Variants in FSHR observed in about 807,000 individuals in gnomAD.
FSHR encodes follicle stimulating hormone receptor.
In FSHR, 46 loss-of-function variants were observed where a neutral mutation model predicts 52.1. The observed-to-expected ratio is 0.88, with a 90% CI of 0.70 to 1.13. The LOEUF is 1.13. FSHR is among the 50% of genes most tolerant of loss of function. The probability of loss-of-function intolerance (pLI) is 0.00; values close to 1 mark genes in which losing one functional copy is unlikely to be tolerated. For missense variants in FSHR, 964 were observed against 834.6 expected (o/e 1.16, Z -1.91); for synonymous variants, 399 against 309.6 (o/e 1.29, Z -3.03).
intron 6 of FSHR, among the ~76,000 whole-genome samples, chr2:48,987,870 A>ACACC (rs1491035556): frequency 1.1e-4 from 14 of 129,320 alleles, no homozygotes; most frequent in African/African-American, 2.7e-4. Flanking sequence ...ACACACACAC[A>ACACC]CCCCTTCACT....
In FSHR at chr2:48,982,986, C is replaced by A; in HGVS notation, c.594G>T (p.Leu198=). 2 of 1,613,770 alleles carry A rather than the reference C, an allele frequency of 1.2e-6. No individual in the cohort carries two copies. ...CAFNGTQLDE[L]NLSDNNNLEE... ...CTAAATTATTATTATCGCTTAGATT[C>A]CTGGGGATGGGGTTGAGGAAAGAAG... is the stretch of plus-strand genomic sequence containing the variant. The change falls in exon 8 of 10, where the codon CTG becomes CTT. Residue 198 remains leucine (L), a splice_region_variant and synonymous_variant. Transcript: ENST00000406846.
intron 1 of FSHR, among the ~76,000 whole-genome samples, chr2:49,130,054 G>A (rs1321818900): frequency 6.6e-6 from 1 of 152,106 alleles, no homozygotes; most frequent in Non-Finnish European, 1.5e-5. Context: ...TCTTTAAATG[G>A]ATATGATAAA....
chr2:49,129,823 T>G (rs1345753919), intron 1 of FSHR, among the ~76,000 whole-genome samples: 1 of 152,216 alleles, frequency 6.6e-6, no homozygotes, highest in Non-Finnish European at 1.5e-5. Context: ...CCATATGGTC[T>G]GGCAGACCCT....
chr2:49,031,445 T>C (rs1344859525), intron 2 of FSHR, among the ~76,000 whole-genome samples: 2 of 152,210 alleles, frequency 1.3e-5, no homozygotes, highest in East Asian at 3.8e-4. Context: ...ATCTCCTAGA[T>C]TTATTTTCCT....
chr2:48,977,064 C>T (rs917944063), intron 8 of FSHR, among the ~76,000 whole-genome samples: 9 of 152,042 alleles, frequency 5.9e-5, no homozygotes, highest in South Asian at 4.1e-4. Flanking sequence ...AACAAACCTG[C>T]ATGTTCTGCA....
In FSHR at chr2:48,975,402, T is replaced by C. The variant is rs372051560; in HGVS notation, c.669-6519A>G. On this transcript the variant is annotated intron_variant, in intron 8 of 9. Coordinates refer to ENST00000406846, the MANE Select transcript of FSHR (RefSeq NM_000145.4). Reference sequence around the variant, plus strand: ...AATCCAACACCTGAACACTGGATGGTGTTCAAGTCAGTCCACCCAATGTAT... The same window carrying C: ...AATCCAACACCTGAACACTGGATGGCGTTCAAGTCAGTCCACCCAATGTAT... Among the ~76,000 whole-genome samples the C allele has an allele frequency of 5.9e-5, 9 of 151,988 alleles. No individual in the cohort carries two copies. In the East Asian group the frequency reaches 1.2e-3, roughly 20 times the overall value.
At chr2:49,085,625 A>G (rs1160072539) in intron 1 of FSHR, among the ~76,000 whole-genome samples, 1 of 152,186 alleles carries the variant, frequency 6.6e-6, no homozygotes, top group Non-Finnish European at 1.5e-5. Context: ...TATATACCCA[A>G]AGGACTATAA....
chr2:49,154,262 TCA>T lies in FSHR; in HGVS notation c.152+2_152+3del. On this transcript the variant is annotated splice_donor_variant and splice_donor_region_variant and intron_variant, in intron 1 of 9. Coordinates refer to ENST00000406846, the MANE Select transcript of FSHR (RefSeq NM_000145.4). LOFTEE classifies it high-confidence loss of function. ...CAGTTGTTCCCCCTCCCTCTGATAC[TCA>T]CAGTTCAATGGCATTCCTCGGGAGG... 6.2e-7 allele frequency: 1 copy of T among 1,613,606 alleles called. No homozygotes were observed. Among genetic ancestry groups the T allele is most frequent in the Non-Finnish European group, 8.5e-7 (1 of 1,179,638 alleles).
chr2:49,099,102 A>G (rs1354237001), intron 1 of FSHR, among the ~76,000 whole-genome samples: 1 of 151,752 alleles, frequency 6.6e-6, no homozygotes, highest in Non-Finnish European at 1.5e-5. Flanking sequence ...GGTAGGGTGA[A>G]TTGTATTTTT....
intron 1 of FSHR, among the ~76,000 whole-genome samples, chr2:49,099,473 A>T (rs1208267605): frequency 6.6e-6 from 1 of 152,120 alleles, no homozygotes; most frequent in Non-Finnish European, 1.5e-5. Flanking sequence ...TGTCTTTATT[A>T]GCAGTGTGAG....
At chr2:49,081,051 C>A (rs1004165236) in intron 1 of FSHR, among the ~76,000 whole-genome samples, 7 of 152,262 alleles carry the variant, frequency 4.6e-5, no homozygotes, top group Admixed American at 3.9e-4. Flanking sequence ...ACATTTCCCC[C>A]TTACTTTCTC....
chr2:48,972,421 T>C (rs1279198460), intron 8 of FSHR, among the ~76,000 whole-genome samples: 1 of 152,232 alleles, frequency 6.6e-6, no homozygotes, highest in Non-Finnish European at 1.5e-5. Flanking sequence ...CATGAACCCT[T>C]GTCTCTTTGA....
chr2:49,120,101 C>T (rs1316549765), intron 1 of FSHR, among the ~76,000 whole-genome samples: 1 of 152,130 alleles, frequency 6.6e-6, no homozygotes, highest in Admixed American at 6.5e-5. Context: ...GACGCCCCAT[C>T]TCTACTAAAA....
intron 4 of FSHR, among the ~76,000 whole-genome samples, chr2:49,003,548 C>G (rs1044643487): frequency 6.6e-6 from 1 of 152,074 alleles, no homozygotes; most frequent in Non-Finnish European, 1.5e-5. Flanking sequence ...CTAGAATATT[C>G]CTGTACCAGG....
chr2:49,125,785 T>C (rs1274669767), intron 1 of FSHR, among the ~76,000 whole-genome samples: 8 of 152,180 alleles, frequency 5.3e-5, no homozygotes, highest in Non-Finnish European at 1.2e-4. Flanking sequence ...GCTATACACT[T>C]AAATTTGAGG....
intron 2 of FSHR, among the ~76,000 whole-genome samples, chr2:49,062,083 G>A (rs886354477): frequency 3.3e-5 from 5 of 151,664 alleles, no homozygotes; most frequent in South Asian, 2.1e-4. Context: ...TTTACAGAAC[G>A]TTTCATCCAA....
chr2:48,978,585 G>C (rs1675098109), intron 8 of FSHR, among the ~76,000 whole-genome samples: 1 of 152,188 alleles, frequency 6.6e-6, no homozygotes, highest in South Asian at 2.1e-4. Context: ...ACAGGAAACT[G>C]TTTCCCAAAG....
At chr2:49,141,181 C>G (rs1672671771) in intron 1 of FSHR, among the ~76,000 whole-genome samples, 1 of 152,202 alleles carries the variant, frequency 6.6e-6, no homozygotes. Flanking sequence ...TATTTATTCA[C>G]AACCCCACTG....
rs1207670145 is a variant in FSHR at position 49,060,111 on chromosome 2, A to G, written c.224+8108T>C. 5.3e-5 allele frequency among the ~76,000 whole-genome samples: 8 copies of G among 152,192 alleles called. No individual in the cohort carries two copies. The East Asian group carries it at 1.2e-3, about 22-fold the overall frequency. The stretch of plus-strand genomic sequence containing the variant: ...CATATATGGAAAAATGCTCCACATC[A>G]CTAATCATCAGAGAAATGCAAATCA... On this transcript the variant is annotated intron_variant, in intron 2 of 9. Coordinates refer to ENST00000406846, the MANE Select transcript of FSHR (RefSeq NM_000145.4).
Sources: gnomAD v4.1 joint callset for allele counts (sites outside exome capture counted in the v4.1 genomes callset) on GRCh38, gnomAD v4.1.1 for gene constraint, MANE v1.5 for transcripts, NCBI Gene and HGNC (gene_info 2026-07-23, HGNC 2026-07-21) for gene names.